The following RBM22 variants were observed in gnomAD, a reference collection of about 807,000 sequenced individuals.
The protein encoded by RBM22 is pre-mRNA-splicing factor RBM22.
Under a neutral mutation model 50.1 loss-of-function variants are expected in RBM22, and 1 was observed. The observed-to-expected ratio is 0.02, with a 90% CI of 0.01 to 0.09. The LOEUF (loss-of-function observed/expected upper bound fraction) is 0.09, where lower values mean the gene tolerates loss of function less well. RBM22 is among the 10% of genes least tolerant of loss of function. The pLI is 1.00. For synonymous variants in RBM22, 152 were observed against 179.0 expected, an observed-to-expected ratio of 0.85 and a Z score of 1.20; for missense variants, 264 against 529.3, an observed-to-expected ratio of 0.50 and a Z score of 4.92.
chr5:150,698,902 T>C (rs769058008), intron 3 of RBM22, among the ~76,000 whole-genome samples: 1 of 152,166 alleles, frequency 6.6e-6, no homozygotes, highest in Non-Finnish European at 1.5e-5. Flanking sequence ...TAATCTTTTT[T>C]AGGGGGAGTG....
Position 150,693,044 on chromosome 5 carries a change from G to C in RBM22, c.1001-18C>G. On this transcript the variant is annotated intron_variant, in intron 9 of 10. Transcript: ENST00000199814. ...AGGAAGAGCTGGAGGAGAGAAAATA[G>C]TCAACACATAGAGGGGAGAACAATT... 1 of 1,598,806 alleles carries C rather than the reference G, an allele frequency of 6.3e-7. No individual in the cohort carries two copies. The highest frequency in any genetic ancestry group is 1.7e-5 in the Admixed American group (1 of 57,936).
Position 150,691,313 on chromosome 5 carries a change from T to C in RBM22, c.*438A>G, listed in dbSNP as rs1759204949. The C allele has an allele frequency of 6.6e-6, 1 of 152,618 alleles. No individual in the cohort carries two copies. Among genetic ancestry groups the C allele is most frequent in the Admixed American group, 6.5e-5 (1 of 15,288 alleles). The allele number at this position is 152,618 out of a possible 1,614,324, so 9.5% of individuals were successfully genotyped here. ...ACACTTAGGCCACTACAATGATTAG[T>C]ACTAGTTATCTTTTTTTAAGATGAT... On this transcript the variant is annotated 3_prime_UTR_variant, in exon 11 of 11. Transcript: ENST00000199814.
Position 150,691,900 on chromosome 5 carries a change from A to C in RBM22, c.1133-19T>G, listed in dbSNP as rs1246809457. 1.3e-6 allele frequency: 2 copies of C among 1,536,802 alleles called. No homozygotes were observed. The highest frequency in any genetic ancestry group is 1.8e-6 in the Non-Finnish European group (2 of 1,140,064). ...CCAAAACCTGCAGATACGAGAGAAC[A>C]AATGTGTTAGGCTGGTAGTTTCCTT... On this transcript the variant is annotated intron_variant, in intron 10 of 10. Coordinates refer to ENST00000199814, the MANE Select transcript of RBM22 (RefSeq NM_018047.3).
rs764925645 is a variant in RBM22, at chr5:150,698,521, G to A, written c.249C>T (p.Thr83=). ...TCSKLKNVCQ[T]CLLDLEYGLP... ...TACCATACTCTAGGTCTAAGAGGCA[G>A]GTCTGACAGACATTCTTCAATTTAC... The change falls in exon 4 of 11, where the codon ACC becomes ACT. Residue 83 remains threonine, a synonymous_variant. Transcript: ENST00000199814. The A allele has an allele frequency of 6.2e-7, 1 of 1,614,124 alleles. No homozygotes were observed. The highest frequency in any genetic ancestry group is 1.1e-5 in the South Asian group (1 of 91,080).
chr5:150,700,690 C>A (rs1330580939), intron 1 of RBM22, 193 bp from the exon 2 acceptor site: 1 of 1,527,364 alleles, frequency 6.5e-7, no homozygotes, highest in Non-Finnish European at 8.8e-7. Flanking sequence ...AAAAGAAAAC[C>A]AGCTCTAATA....
In RBM22 at chr5:150,695,693, T is replaced by C. The variant is rs771338991; in HGVS notation, c.559A>G (p.Thr187Ala). The C allele has an allele frequency of 3.1e-6, 5 of 1,609,988 alleles. No homozygotes were observed. The highest frequency in any genetic ancestry group is 1.7e-5 in the Admixed American group (1 of 59,964). ...TCAGCAAGGGGGTCATCTGGATCTGTAGGCTTCTCATGTCTATGATTCAAG... is the reference window on the plus strand; with the variant it reads ...TCAGCAAGGGGGTCATCTGGATCTGCAGGCTTCTCATGTCTATGATTCAAG... ...EECPYRHEKP[T>A]DPDDPLADQN... The change falls in exon 7 of 11, where the codon ACA (threonine) becomes GCA (alanine). Residue 187 changes from threonine (T) to alanine (A), a missense_variant. Thr to Ala is a moderately conservative substitution (Grantham distance 58). Around this residue, in one of 7 missense-constraint regions of RBM22, gnomAD observed 62 missense variants for 102.6 expected, o/e 0.60. Transcript: ENST00000199814.
Position 150,698,604 on chromosome 5 carries a change from G to A in RBM22, c.166C>T (p.Arg56Cys). The change falls in exon 4 of 11, where the codon CGC becomes TGC. Residue 56 changes from arginine (R) to cysteine (C), a missense_variant. Transcript: ENST00000199814. ...CGCATGCGGACTCCAGGGCACCAGCGAAACACTGTGAATGGCCTGGCACAG... is the reference window on the plus strand; with the variant it reads ...CGCATGCGGACTCCAGGGCACCAGCAAAACACTGTGAATGGCCTGGCACAG... The part of the protein sequence containing the change: ...KICARPFTVF[R>C]WCPGVRMRFK... 6.2e-7 allele frequency: 1 copy of A among 1,614,050 alleles called. No homozygotes were observed. Among genetic ancestry groups the A allele is most frequent in the Non-Finnish European group, 8.5e-7 (1 of 1,180,016 alleles).
rs747101552 is a variant in RBM22, at chr5:150,693,199, A to C, written c.1000+20T>G. 1.9e-6 allele frequency: 3 copies of C among 1,603,122 alleles called. No homozygotes were observed. The African/African-American group carries it at 4.0e-5, about 21-fold the overall frequency. On this transcript the variant is annotated intron_variant, in intron 9 of 10. Transcript: ENST00000199814. ...CAGGGCAGAAAGAGCTTCTGAAGTC[A>C]GCAGGGAGTCTGCACTCACCTCCTG... is the stretch of plus-strand genomic sequence containing the variant.
chr5:150,698,408 C>A, intron 4 of RBM22, 91 bp downstream of exon 4: 1 of 1,463,318 alleles, frequency 6.8e-7, no homozygotes, highest in Non-Finnish European at 9.3e-7. Flanking sequence ...AAATCAGAAC[C>A]AGAGCTAGGG....
In RBM22 at chr5:150,698,665, T is replaced by C. The variant is rs757491454; in HGVS notation, c.139-34A>G. ...CAAAGCAAGAGCCATAGAATGTCAA[T>C]GGTCCTGATCTGGGCAATCTGGAGA... On this transcript the variant is annotated intron_variant, in intron 3 of 10. Transcript: ENST00000199814. 31 of 1,612,064 alleles carry C rather than the reference T, an allele frequency of 1.9e-5. 1 individual carries two copies. The South Asian group carries it at 3.1e-4, about 16-fold the overall frequency.
Position 150,696,779 on chromosome 5 carries a change from G to A in RBM22, c.372+12C>T. 3 of 1,613,832 alleles carry A rather than the reference G, an allele frequency of 1.9e-6. No individual in the cohort carries two copies. In the East Asian group the frequency reaches 6.7e-5, roughly 36 times the overall value. On this transcript the variant is annotated intron_variant, in intron 5 of 10. Transcript: ENST00000199814. The surrounding 1 kb of genome is among the most constrained non-coding windows in gnomAD (Gnocchi z 4.3). ...ATTCATTAGGATTTTTATCCAAAAA[G>A]TGGCAGCATACCTCTCTCTCCATAT...
chr5:150,693,476 A>G (rs1759235970), intron 8 of RBM22, among the ~76,000 whole-genome samples, 169 bp from the exon 9 acceptor site: 1 of 152,200 alleles, frequency 6.6e-6, no homozygotes, highest in Admixed American at 6.5e-5. Flanking sequence ...AGGTTTTGAC[A>G]CCAGAAAAGA....
At position 150,694,322 on chromosome 5, in the gene RBM22, C is replaced by T. The variant is rs1224208295; in HGVS notation, c.747-82G>A. 3 of 1,504,834 alleles carry T rather than the reference C, an allele frequency of 2.0e-6. No homozygotes were observed. In the African/African-American group the frequency reaches 4.2e-5, roughly 21 times the overall value. 93.2% of individuals were successfully genotyped at this position (1,504,834 alleles called of 1,614,324 possible). A position where few individuals can be genotyped will look rare whatever the true frequency, so the allele number is the denominator to read the frequency against. ...GAGACTGAAAATGGATTAACTTTCA[C>T]TGACACACCACTAGGCAGGTGGGCC... On this transcript the variant is annotated intron_variant, in intron 7 of 10. Coordinates refer to ENST00000199814, the MANE Select transcript of RBM22 (RefSeq NM_018047.3).
chr5:150,692,492 G>A (rs1352672754), intron 10 of RBM22, among the ~76,000 whole-genome samples: 1 of 152,010 alleles, frequency 6.6e-6, no homozygotes, highest in Non-Finnish European at 1.5e-5. Flanking sequence ...TGAAGGAAGG[G>A]GTTCACTGAT....
chr5:150,693,124 G>A (rs1759230683), intron 9 of RBM22, 95 bp downstream of exon 9: 2 of 1,545,464 alleles, frequency 1.3e-6, no homozygotes, highest in South Asian at 2.4e-5. Flanking sequence ...TGGGAGAGTA[G>A]AGCGGCAACA....
chr5:150,698,435 A>C, intron 4 of RBM22, 64 bp downstream of exon 4: 1 of 1,570,576 alleles, frequency 6.4e-7, no homozygotes, highest in Non-Finnish European at 8.7e-7. Flanking sequence ...GTGGGAGACA[A>C]AAGACTGACT....
Position 150,696,650 on chromosome 5 carries a change from G to C in RBM22, c.428C>G (p.Thr143Ser). 3.1e-6 allele frequency: 5 copies of C among 1,614,168 alleles called. No individual in the cohort carries two copies. Among genetic ancestry groups the C allele is most frequent in the Non-Finnish European group, 4.2e-6 (5 of 1,180,022 alleles). Reference protein sequence around the residue: ...PVGMLGKATSTSDMLLKLART... With the variant: ...PVGMLGKATSSSDMLLKLART... Reference sequence around the variant, plus strand: ...GGCCAGTTTGAGCAGCATGTCACTGGTAGATGTGGCTTTCCCCAGCATGCC... The same window carrying C: ...GGCCAGTTTGAGCAGCATGTCACTGCTAGATGTGGCTTTCCCCAGCATGCC... Residue 143 changes from threonine to serine, a missense_variant, in exon 6 of 11, where the codon ACC becomes AGC. Coordinates refer to ENST00000199814, the MANE Select transcript of RBM22 (RefSeq NM_018047.3). This position sits in a 1 kb window ranked among gnomAD's most constrained non-coding sequence, Gnocchi z 4.3.
intron 4 of RBM22, among the ~76,000 whole-genome samples, chr5:150,697,096 G>T (rs557969126): frequency 1.3e-5 from 2 of 152,222 alleles, no homozygotes; most frequent in South Asian, 4.1e-4. Context: ...TTCCTGAACT[G>T]TCAGGAAATT....
chr5:150,701,047 G>A lies in RBM22; in HGVS notation c.-62C>T, dbSNP rs368854844. 2 of 1,606,206 alleles carry A rather than the reference G, an allele frequency of 1.2e-6. No homozygotes were observed. Among genetic ancestry groups the A allele is most frequent in the East Asian group, 2.2e-5 (1 of 44,818 alleles). Reference sequence around the variant, plus strand: ...TGGGAGAGAGGACCGCCACAATCCCGTCAAGCCCCGAGGCTAGCGCCGCGC... The same window carrying A: ...TGGGAGAGAGGACCGCCACAATCCCATCAAGCCCCGAGGCTAGCGCCGCGC... On this transcript the variant is annotated 5_prime_UTR_variant, in exon 1 of 11. The change creates a new upstream start codon in the 5' untranslated region. Transcript: ENST00000199814.
Sources: allele counts gnomAD v4.1 joint callset (sites outside exome capture counted in the v4.1 genomes callset), GRCh38; gene constraint gnomAD v4.1.1; regional missense constraint gnomAD v4.1.1; non-coding constraint Gnocchi (gnomAD v3.1); transcripts MANE v1.5; gene names NCBI Gene and HGNC (gene_info 2026-07-23, HGNC 2026-07-21).